Variants in MIB1 observed in about 807,000 individuals in gnomAD.
MIB1 encodes the protein MIB E3 ubiquitin protein ligase 1, also known as E3 ubiquitin-protein ligase MIB1.
MIB1 carries 278 observed loss-of-function variants against 124.5 expected under a neutral mutation model. The ratio of observed to expected loss-of-function variants is 2.23; its 90% CI spans 2.02 to 2.47. The LOEUF is 2.47. Among genes scored for constraint, MIB1 ranks in the 30% most tolerant of loss-of-function variants. MIB1 has a pLI of 0.00. For synonymous variants in MIB1, 446 were observed against 429.4 expected, an observed-to-expected ratio of 1.04 and a Z score of -0.48; for missense variants, 957 against 1,254.4, an observed-to-expected ratio of 0.76 and a Z score of 3.58.
At chr18:21,823,894 G>A (rs1443805344) in intron 12 of MIB1, among the ~76,000 whole-genome samples, 2 of 152,230 alleles carry the variant, frequency 1.3e-5, no homozygotes, top group African/African-American at 4.8e-5. Context: ...TGGATTTAAA[G>A]TAAGAGTAGA....
Position 21,865,684 on chromosome 18 carries a change from CAGTGTT to C in MIB1, c.*1023_*1028del, listed in dbSNP as rs2042315635. On this transcript the variant is annotated 3_prime_UTR_variant, in exon 21 of 21. Coordinates refer to ENST00000261537, the MANE Select transcript of MIB1 (RefSeq NM_020774.4). The stretch of plus-strand genomic sequence containing the variant: ...TCTTCTCTGTATCAGTTAATTCTGA[CAGTGTT>C]AGTGATTCTGTCTTCATTATAGGCC... 1.3e-5 allele frequency: 2 copies of C among 152,566 alleles called. No homozygotes were observed. The highest frequency in any genetic ancestry group is 2.9e-5 in the Non-Finnish European group (2 of 68,030). 9.5% of individuals were successfully genotyped at this position (152,566 alleles called of 1,614,324 possible).
intron 7 of MIB1, among the ~76,000 whole-genome samples, chr18:21,792,343 T>G (rs2041514722): frequency 6.6e-6 from 1 of 152,040 alleles, no homozygotes; most frequent in Non-Finnish European, 1.5e-5. Context: ...ACATCCCTCT[T>G]AGTATCCTAT....
At chr18:21,756,716 G>C (rs1194473236) in intron 1 of MIB1, among the ~76,000 whole-genome samples, 2 of 151,994 alleles carry the variant, frequency 1.3e-5, no homozygotes, top group Non-Finnish European at 2.9e-5. Flanking sequence ...TGCCCACCTG[G>C]GCCTCCCAAA....
At position 21,858,687 on chromosome 18, in the gene MIB1, A is replaced by C. The variant is rs764073780; in HGVS notation, c.2880+41A>C. ...TGTAAACAGTGATGCTGTGAATGGC[A>C]CTGAATATTTTCCCGTAAAACTACT... On this transcript the variant is annotated intron_variant, in intron 20 of 20. Coordinates refer to ENST00000261537, the MANE Select transcript of MIB1 (RefSeq NM_020774.4). 1.4e-5 allele frequency: 14 copies of C among 1,001,350 alleles called. No homozygotes were observed. In the Middle Eastern group the frequency reaches 1.2e-3, roughly 88 times the overall value. The allele number at this position is 1,001,350 out of a possible 1,614,324, so 62.0% of individuals were successfully genotyped here.
intron 7 of MIB1, among the ~76,000 whole-genome samples, chr18:21,795,321 A>ATT (rs899349168): frequency 2.4e-4 from 32 of 132,558 alleles, no homozygotes; most frequent in African/African-American, 8.7e-4. Context: ...TATTATATAT[A>ATT]ATATATAAAT....
Position 21,798,080 on chromosome 18 carries a change from C to T in MIB1, c.1093-4C>T. On this transcript the variant is annotated splice_polypyrimidine_tract_variant and splice_region_variant and intron_variant, in intron 7 of 20. Transcript: ENST00000261537. ...GGAAACATGAATCTATTTTTTTCCC[C>T]AAGACTTTAGGTAAAGTTGGCCGAG... The T allele has an allele frequency of 6.2e-7, 1 of 1,610,138 alleles. No homozygotes were observed. The highest frequency in any genetic ancestry group is 8.5e-7 in the Non-Finnish European group (1 of 1,177,952).
At chr18:21,767,288 T>G (rs963662034) in intron 2 of MIB1, among the ~76,000 whole-genome samples, 8 of 152,128 alleles carry the variant, frequency 5.3e-5, no homozygotes, top group Admixed American at 4.6e-4. Flanking sequence ...AAACACGCCC[T>G]TCCTTCTTCA....
rs28634551 is a variant in MIB1 at position 21,848,802 on chromosome 18, G to A, written c.2394-394G>A. ...TGATGCTTTGTTCCGTCTTTAGTAAGGCAACTAACATGGGGGCTAGTGAGG... is the reference window on the plus strand; with the variant it reads ...TGATGCTTTGTTCCGTCTTTAGTAAAGCAACTAACATGGGGGCTAGTGAGG... On this transcript the variant is annotated intron_variant, in intron 16 of 20. Transcript: ENST00000261537. 2.5e-3 allele frequency among the ~76,000 whole-genome samples: 381 copies of A among 152,244 alleles called. 2 individuals are homozygous for A. The highest frequency in any genetic ancestry group is 8.7e-3 in the African/African-American group (361 of 41,534).
chr18:21,836,043 G>A (rs2042027825), intron 12 of MIB1, among the ~76,000 whole-genome samples: 3 of 151,550 alleles, frequency 2.0e-5, no homozygotes, highest in Admixed American at 2.0e-4. Flanking sequence ...AAGCTCAGGA[G>A]TTCAAGACCA....
chr18:21,817,911 A>G (rs1317042705), intron 11 of MIB1: 3 of 192,506 alleles, frequency 1.6e-5, no homozygotes, highest in Non-Finnish European at 1.1e-5. Flanking sequence ...GCCAGGTTGT[A>G]TATGACTTTA....
At chr18:21,724,729 TA>T (rs2040732628) in intron 1 of MIB1, among the ~76,000 whole-genome samples, 1 of 28,756 alleles carries the variant, frequency 3.5e-5, no homozygotes, top group Non-Finnish European at 5.7e-5. Context: ...AAAAAAAAAA[TA>T]TATATATATA....
intron 12 of MIB1, chr18:21,825,690 C>T (rs1193225744): frequency 1.3e-5 from 7 of 530,316 alleles, no homozygotes; most frequent in Admixed American, 2.0e-5. Flanking sequence ...TTGGTTGTCC[C>T]GTAGTAATCA....
chr18:21,825,921 C>A (rs1177069527), intron 12 of MIB1: 2 of 346,908 alleles, frequency 5.8e-6, no homozygotes, highest in African/African-American at 4.5e-5. Flanking sequence ...ATTTTGAAGT[C>A]ACTTTCCTAC....
intron 12 of MIB1, among the ~76,000 whole-genome samples, chr18:21,831,816 T>C (rs1295857416): frequency 1.3e-5 from 2 of 152,150 alleles, no homozygotes; most frequent in East Asian, 1.9e-4. Context: ...GGAAAAAAAT[T>C]ACCATGGCTA....
At chr18:21,720,129 A>T (rs1459404202) in intron 1 of MIB1, among the ~76,000 whole-genome samples, 2 of 152,236 alleles carry the variant, frequency 1.3e-5, no homozygotes, top group Non-Finnish European at 2.9e-5. Flanking sequence ...ATCATACCTC[A>T]GGATAACCAA....
rs1418227298 is a variant in MIB1, at chr18:21,741,314, C to T, written c.-270C>T. The T allele has an allele frequency of 6.0e-6, 1 of 167,916 alleles. No individual in the cohort carries two copies. Among genetic ancestry groups the T allele is most frequent in the Non-Finnish European group, 1.3e-5 (1 of 79,054 alleles). 10.4% of individuals were successfully genotyped at this position (167,916 alleles called of 1,614,324 possible). ...GGAGAGTCCCCGCCCACGGCCCCCT[C>T]CCCTCTGCCCGCTCTCCGCCGCCGC... is the stretch of plus-strand genomic sequence containing the variant. On this transcript the variant is annotated 5_prime_UTR_variant, in exon 1 of 21. Coordinates refer to ENST00000261537, the MANE Select transcript of MIB1 (RefSeq NM_020774.4). The surrounding 1 kb of genome is among the most constrained non-coding windows in gnomAD (Gnocchi z 5.4).
intron 8 of MIB1, 99 bp from the exon 9 acceptor site, chr18:21,799,737 GAATAA>G (rs2041628642): frequency 2.6e-6 from 3 of 1,134,348 alleles, no homozygotes; most frequent in Admixed American, 2.6e-5. Context: ...ATGATGGAAA[GAATAA>G]AATAGGAAAA....
At chr18:21,844,782 T>C (rs1405669841) in intron 15 of MIB1, among the ~76,000 whole-genome samples, 2 of 152,266 alleles carry the variant, frequency 1.3e-5, no homozygotes, top group South Asian at 2.1e-4. Context: ...TGGTATCTTA[T>C]TGTGGTTTAA....
intron 13 of MIB1, among the ~76,000 whole-genome samples, chr18:21,842,642 T>C (rs1335676916): frequency 1.3e-5 from 2 of 152,214 alleles, no homozygotes; most frequent in Non-Finnish European, 2.9e-5. Context: ...AATTAAGCAT[T>C]ACCTTCTCAC....
Sources: allele counts gnomAD v4.1 joint callset (sites outside exome capture counted in the v4.1 genomes callset), GRCh38; gene constraint gnomAD v4.1.1; non-coding constraint Gnocchi (gnomAD v3.1); transcripts MANE v1.5; gene names NCBI Gene and HGNC (gene_info 2026-07-23, HGNC 2026-07-21).